Variants in EML4 observed in about 807,000 individuals in gnomAD.
EML4 encodes the protein EMAP like 4.
EML4 carries 72 observed loss-of-function variants against 129.0 expected under a neutral mutation model. The ratio of observed to expected loss-of-function variants is 0.56; its 90% confidence interval spans 0.46 to 0.68. The LOEUF is 0.68. Among genes scored for constraint, EML4 ranks in the 30% least tolerant of loss-of-function variants. The pLI, the probability that EML4 is intolerant of heterozygous loss-of-function variation, is 0.00. For synonymous variants in EML4, 532 were observed against 405.0 expected (o/e 1.31, Z -3.77); for missense variants, 1,363 against 1,190.6 (o/e 1.14, Z -2.13).
chr2:42,259,543 C>G (rs1558549127), intron 3 of EML4, among the ~76,000 whole-genome samples: 1 of 152,020 alleles, frequency 6.6e-6, no homozygotes, highest in Non-Finnish European at 1.5e-5. Context: ...AACCTACCCT[C>G]TAAGTATATA....
intron 8 of EML4, among the ~76,000 whole-genome samples, chr2:42,283,853 A>T (rs899226122): frequency 6.6e-6 from 1 of 152,206 alleles, no homozygotes. Context: ...TGTAGCTGTA[A>T]AGAATGAGGA....
chr2:42,217,552 A>G (rs1034074935), intron 1 of EML4, among the ~76,000 whole-genome samples: 7 of 152,216 alleles, frequency 4.6e-5, no homozygotes, highest in African/African-American at 1.4e-4. Context: ...TGTTTGAATT[A>G]TGTTATTTAC....
intron 2 of EML4, among the ~76,000 whole-genome samples, 181 bp downstream of exon 2, chr2:42,245,868 G>A (rs1163732837): frequency 2.0e-5 from 3 of 151,850 alleles, no homozygotes; most frequent in South Asian, 2.1e-4. Flanking sequence ...TTAAAATAAA[G>A]AATTTTTGTG....
At chr2:42,231,240 C>A (rs899823044) in intron 1 of EML4, among the ~76,000 whole-genome samples, 12 of 152,190 alleles carry the variant, frequency 7.9e-5, no homozygotes, top group South Asian at 6.2e-4. Flanking sequence ...CATTATGTCT[C>A]CTTTCCTGAA....
rs144315999 is a variant in EML4 at position 42,322,558 on chromosome 2, AT to A, written c.2155-2903del. 5.3e-3 allele frequency among the ~76,000 whole-genome samples: 802 copies of A among 152,264 alleles called. 2 individuals carry two copies. Among genetic ancestry groups the A allele is most frequent in the African/African-American group, 0.018 (761 of 41,544 alleles). Reference sequence around the variant, plus strand: ...AAAGATTTAACTCAAATATTTCTGAATTTTTTCTTCATAGCCATATTCTTTC... The same window carrying A: ...AAAGATTTAACTCAAATATTTCTGAATTTTTCTTCATAGCCATATTCTTTC... On this transcript the variant is annotated intron_variant, in intron 19 of 22. Coordinates refer to ENST00000318522, the MANE Select transcript of EML4 (RefSeq NM_019063.5).
intron 6 of EML4, among the ~76,000 whole-genome samples, chr2:42,279,013 T>C (rs564620138): frequency 6.6e-6 from 1 of 152,222 alleles, no homozygotes; most frequent in African/African-American, 2.4e-5. Flanking sequence ...GCAGATCTTA[T>C]AAACACCTAT....
chr2:42,284,722 T>G lies in EML4; in HGVS notation c.1011+19T>G. On this transcript the variant is annotated intron_variant, in intron 9 of 22. Transcript: ENST00000318522. ...TGGAAGGGTGAGTGGCATAGTGTTA[T>G]GCCTTCTGTACCTAGAGACATTGCT... 1.3e-6 allele frequency: 2 copies of G among 1,590,196 alleles called. No homozygotes were observed. Among genetic ancestry groups the G allele is most frequent in the Non-Finnish European group, 1.7e-6 (2 of 1,161,322 alleles).
intron 2 of EML4, among the ~76,000 whole-genome samples, chr2:42,254,008 C>T (rs1675960920): frequency 6.6e-6 from 1 of 152,166 alleles, no homozygotes; most frequent in Non-Finnish European, 1.5e-5. Context: ...ATTTGCCAGA[C>T]ATGTATTTGT....
In EML4 at chr2:42,295,208, C is replaced by A. The variant is rs1325173243; in HGVS notation, c.1302C>A (p.Phe434Leu). 1 of 1,613,346 alleles carries A rather than the reference C, an allele frequency of 6.2e-7. No individual in the cohort carries two copies. The highest frequency in any genetic ancestry group is 8.5e-7 in the Non-Finnish European group (1 of 1,179,884). The change falls in exon 12 of 23, where the codon TTC becomes TTA. Residue 434 changes from phenylalanine (F) to leucine (L), a missense_variant. Physicochemically the swap from Phe to Leu is conservative, Grantham distance 22 (BLOSUM62 0). Transcript: ENST00000318522. ...TIITCGKSHI[F>L]FWTWSGNSLT... ...TTACATGCGGTAAATCTCATATTTT[C>A]TTCTGGACCTGGAGCGGCAATTCAC...
chr2:42,322,023 T>C (rs990866165), intron 19 of EML4, among the ~76,000 whole-genome samples: 2 of 152,218 alleles, frequency 1.3e-5, no homozygotes, highest in African/African-American at 4.8e-5. Context: ...TCAACATATT[T>C]ATGGGATTAA....
At chr2:42,223,771 A>G (rs1245744282) in intron 1 of EML4, among the ~76,000 whole-genome samples, 1 of 152,140 alleles carries the variant, frequency 6.6e-6, no homozygotes. Context: ...ATTTGAATAA[A>G]TATGCATAAT....
chr2:42,189,019 C>T (rs1042292944), intron 1 of EML4, among the ~76,000 whole-genome samples: 1 of 152,086 alleles, frequency 6.6e-6, no homozygotes, highest in East Asian at 1.9e-4. Flanking sequence ...CCACTTACAG[C>T]TTTTCTGAGC....
intron 1 of EML4, among the ~76,000 whole-genome samples, chr2:42,186,190 T>G (rs2103871218): frequency 6.6e-6 from 1 of 152,312 alleles, no homozygotes; most frequent in Admixed American, 6.5e-5. Context: ...TCCAAATAGC[T>G]TATAATTGCC....
chr2:42,230,923 C>G (rs935278049), intron 1 of EML4, among the ~76,000 whole-genome samples: 3 of 152,242 alleles, frequency 2.0e-5, no homozygotes, highest in African/African-American at 4.8e-5. Flanking sequence ...CATGTCCTTA[C>G]GTGTTAGTAT....
intron 20 of EML4, among the ~76,000 whole-genome samples, chr2:42,325,838 T>C (rs1431266985): frequency 6.6e-6 from 1 of 151,568 alleles, no homozygotes; most frequent in Non-Finnish European, 1.5e-5. Context: ...CATATAGTAA[T>C]AAGAAATTAC....
chr2:42,214,365 G>A (rs978180864), intron 1 of EML4, among the ~76,000 whole-genome samples: 4 of 152,112 alleles, frequency 2.6e-5, no homozygotes, highest in Admixed American at 1.3e-4. Flanking sequence ...AATAGGCTAG[G>A]CAGTTATTCC....
At chr2:42,260,873 C>G (rs930113597) in intron 3 of EML4, among the ~76,000 whole-genome samples, 1 of 152,150 alleles carries the variant, frequency 6.6e-6, no homozygotes, top group African/African-American at 2.4e-5. Context: ...TTATTAGAGA[C>G]CATTTCTGTC....
intron 6 of EML4, among the ~76,000 whole-genome samples, chr2:42,268,317 A>G (rs990695054): frequency 3.9e-5 from 6 of 152,246 alleles, no homozygotes; most frequent in Non-Finnish European, 7.3e-5. Context: ...CATAGATTAC[A>G]TGGAAATACT....
chr2:42,259,555 C>G (rs1021691407), intron 3 of EML4, among the ~76,000 whole-genome samples: 4 of 151,998 alleles, frequency 2.6e-5, no homozygotes, highest in African/African-American at 9.7e-5. Context: ...AAGTATATAT[C>G]TCTGATCAAA....
Sources: gnomAD v4.1 joint callset for allele counts (sites outside exome capture counted in the v4.1 genomes callset) on GRCh38, gnomAD v4.1.1 for gene constraint, MANE v1.5 for transcripts, NCBI Gene and HGNC (gene_info 2026-07-23, HGNC 2026-07-21) for gene names.